The following PALM2AKAP2 variants were observed in gnomAD, a reference collection of about 807,000 sequenced individuals.
PALM2AKAP2 encodes the protein PALM2 and AKAP2 fusion.
A neutral mutation model predicts 71.5 loss-of-function variants in PALM2AKAP2; 37 were observed. The observed-to-expected ratio is 0.52, with a 90% CI of 0.40 to 0.68. PALM2AKAP2 has a LOEUF of 0.68. Among genes scored for constraint, PALM2AKAP2 ranks in the 30% least tolerant of loss-of-function variants. The pLI, the probability that PALM2AKAP2 is intolerant of heterozygous loss-of-function variation, is 0.00. For synonymous variants in PALM2AKAP2, 468 were observed against 478.8 expected, an observed-to-expected ratio of 0.98 and a Z score of 0.29; for missense variants, 1,224 against 1,191.8, an observed-to-expected ratio of 1.03 and a Z score of -0.40.
chr9:110,011,267 T>G (rs1832882060), intron 6 of PALM2AKAP2, among the ~76,000 whole-genome samples: 1 of 150,308 alleles, frequency 6.7e-6, no homozygotes, highest in Non-Finnish European at 1.5e-5. Context: ...CCCCAAGTTC[T>G]TAGGTCAGAT....
chr9:110,092,525 G>GA (rs1170669803), intron 1 of PALM2AKAP2, among the ~76,000 whole-genome samples: 1 of 152,126 alleles, frequency 6.6e-6, no homozygotes, highest in East Asian at 1.9e-4. Context: ...TACTGAAAGT[G>GA]AAAAAAGTCA....
chr9:109,648,013 C>A (rs924198296), intron 1 of PALM2AKAP2, among the ~76,000 whole-genome samples: 1 of 152,146 alleles, frequency 6.6e-6, no homozygotes, highest in Non-Finnish European at 1.5e-5. Flanking sequence ...AGGAAGGGAC[C>A]TGGTAGGAGG....
intron 1 of PALM2AKAP2, among the ~76,000 whole-genome samples, chr9:109,768,031 A>AGGGGGG (rs879631792): frequency 8.5e-6 from 1 of 117,760 alleles, no homozygotes; most frequent in African/African-American, 4.1e-5. Context: ...GAAGGAAGGA[A>AGGGGGG]AGAAAAAGAG....
intron 1 of PALM2AKAP2, among the ~76,000 whole-genome samples, chr9:109,848,414 G>C (rs1828921974): frequency 1.3e-5 from 2 of 152,150 alleles, no homozygotes; most frequent in Non-Finnish European, 2.9e-5. Flanking sequence ...GGATTTGTGA[G>C]ACTTACTGTT....
intron 6 of PALM2AKAP2, among the ~76,000 whole-genome samples, chr9:109,950,947 C>T (rs147711280): frequency 1.1e-4 from 16 of 152,232 alleles, no homozygotes; most frequent in African/African-American, 3.6e-4. Context: ...TTGATATACA[C>T]AGAGGCCACC....
At chr9:109,685,376 C>T (rs888269000) in intron 1 of PALM2AKAP2, among the ~76,000 whole-genome samples, 14 of 152,086 alleles carry the variant, frequency 9.2e-5, no homozygotes, top group Admixed American at 2.0e-4. Context: ...AGTTATATGT[C>T]AGAGATATTG....
At chr9:109,793,799 T>A (rs12376776) in intron 1 of PALM2AKAP2, among the ~76,000 whole-genome samples, 43,593 of 152,192 alleles carry the variant, frequency 0.29, 7,152 homozygotes, top group African/African-American at 0.45. Flanking sequence ...CTTTTATGAC[T>A]CATGAGATTT....
intron 1 of PALM2AKAP2, among the ~76,000 whole-genome samples, chr9:109,755,046 T>G (rs1828938702): frequency 1.3e-5 from 2 of 151,994 alleles, no homozygotes; most frequent in Admixed American, 1.3e-4. Context: ...CCTTAGAACC[T>G]CCACCTCTGC....
intron 1 of PALM2AKAP2, among the ~76,000 whole-genome samples, chr9:109,854,490 G>A (rs533637380): frequency 1.3e-5 from 2 of 152,260 alleles, no homozygotes; most frequent in South Asian, 2.1e-4. Flanking sequence ...TCTGAGCTTG[G>A]TATATTACAT....
intron 3 of PALM2AKAP2, among the ~76,000 whole-genome samples, chr9:109,891,860 T>C (rs1370296497): frequency 6.6e-6 from 1 of 152,126 alleles, no homozygotes; most frequent in Non-Finnish European, 1.5e-5. Flanking sequence ...TATGGGTGCA[T>C]ATGAAAGGGA....
intron 1 of PALM2AKAP2, among the ~76,000 whole-genome samples, chr9:109,827,231 A>T (rs1828175033): frequency 6.6e-6 from 1 of 152,238 alleles, no homozygotes; most frequent in Non-Finnish European, 1.5e-5. Flanking sequence ...CTCAAAGTAG[A>T]CAATGATCAA....
intron 6 of PALM2AKAP2, among the ~76,000 whole-genome samples, chr9:109,972,705 C>A (rs1832092953): frequency 6.6e-6 from 1 of 152,174 alleles, no homozygotes; most frequent in South Asian, 2.1e-4. Context: ...GCAGGGAATG[C>A]CACAAAGATG....
At chr9:109,692,081 A>T (rs4317649) in intron 1 of PALM2AKAP2, among the ~76,000 whole-genome samples, 97,205 of 149,356 alleles carry the variant, frequency 0.65, 32,689 homozygotes, top group African/African-American at 0.83. Context: ...TTAAATTTTT[A>T]AAAAATTTTT....
chr9:109,879,702 T>G (rs1829803669), intron 2 of PALM2AKAP2, among the ~76,000 whole-genome samples: 1 of 65,168 alleles, frequency 1.5e-5, no homozygotes, highest in Non-Finnish European at 4.5e-5. Context: ...ATGTATGGTT[T>G]TTTTTTTTTT....
chr9:110,086,239 C>T (rs149126342), intron 1 of PALM2AKAP2, among the ~76,000 whole-genome samples: 40 of 152,014 alleles, frequency 2.6e-4, no homozygotes, highest in African/African-American at 9.4e-4. Flanking sequence ...TATGTGCTTG[C>T]TATTTGCATT....
chr9:110,143,607 G>A (rs1053914781), intron 2 of PALM2AKAP2, among the ~76,000 whole-genome samples: 1 of 152,148 alleles, frequency 6.6e-6, no homozygotes, highest in Admixed American at 6.5e-5. Flanking sequence ...TATTGGGGTT[G>A]CCAACAGTTC....
chr9:110,100,051 C>CTCTATATATATATATATA (rs143442936), intron 1 of PALM2AKAP2, among the ~76,000 whole-genome samples: 59 of 109,474 alleles, frequency 5.4e-4, no homozygotes, highest in African/African-American at 1.9e-3. Context: ...GTATGTGTGT[C>CTCTATATATATATATATA]TATATATATA....
intron 3 of PALM2AKAP2, among the ~76,000 whole-genome samples, chr9:109,915,305 C>T (rs1235248696): frequency 1.3e-5 from 2 of 152,178 alleles, no homozygotes; most frequent in Admixed American, 6.5e-5. Context: ...GTGAAATAAT[C>T]GTTGGGTGGA....
chr9:109,941,716 A>G (rs1295757014), intron 6 of PALM2AKAP2, among the ~76,000 whole-genome samples: 1 of 152,206 alleles, frequency 6.6e-6, no homozygotes, highest in African/African-American at 2.4e-5. Flanking sequence ...AGGTGTCACA[A>G]GAGTCTATAG....
Sources: gnomAD v4.1 joint callset for allele counts (sites outside exome capture counted in the v4.1 genomes callset) on GRCh38, gnomAD v4.1.1 for gene constraint, MANE v1.5 for transcripts, NCBI Gene and HGNC (gene_info 2026-07-23, HGNC 2026-07-21) for gene names.